CDC42BPA: variants seen among roughly 807,000 people sequenced by gnomAD.
The protein encoded by CDC42BPA is CDC42 binding protein kinase alpha.
CDC42BPA carries 80 observed loss-of-function variants against 223.5 expected under a neutral mutation model. That is an observed-to-expected ratio of 0.36 (90% CI 0.30 to 0.43). CDC42BPA has a LOEUF of 0.43. Ranked by LOEUF, CDC42BPA falls within the 20% of genes least tolerant of loss-of-function variation. The probability of loss-of-function intolerance (pLI) is 1.00; values close to 1 mark genes in which losing one functional copy is unlikely to be tolerated. For synonymous variants in CDC42BPA, 694 were observed against 718.6 expected (o/e 0.97, Z 0.55); for missense variants, 1,743 against 2,099.9 (o/e 0.83, Z 3.32).
At chr1:227,227,330 T>C (rs1572488179) in intron 2 of CDC42BPA, among the ~76,000 whole-genome samples, 1 of 152,320 alleles carries the variant, frequency 6.6e-6, no homozygotes, top group Non-Finnish European at 1.5e-5. Context: ...TCTGAACTTA[T>C]AAATCACATT....
At chr1:227,015,428 A>G (rs575934013) in intron 34 of CDC42BPA, among the ~76,000 whole-genome samples, 2 of 151,936 alleles carry the variant, frequency 1.3e-5, no homozygotes, top group African/African-American at 4.8e-5. Context: ...ATCTCAAAAA[A>G]AGAAAAAAAA....
At chr1:227,180,375 G>C (rs977543195) in intron 5 of CDC42BPA, 1 of 152,022 alleles carries the variant, frequency 6.6e-6, no homozygotes, top group Non-Finnish European at 1.5e-5. Flanking sequence ...TCTAAGAAAA[G>C]AAACTGTTAT....
intron 2 of CDC42BPA, among the ~76,000 whole-genome samples, chr1:227,243,054 C>G (rs1006772116): frequency 6.6e-6 from 1 of 152,180 alleles, no homozygotes; most frequent in Admixed American, 6.5e-5. Context: ...CCATTATGCT[C>G]TGCAAACTAA....
chr1:227,215,281 G>T (rs1425709255), intron 2 of CDC42BPA, among the ~76,000 whole-genome samples: 1 of 152,162 alleles, frequency 6.6e-6, no homozygotes, highest in Non-Finnish European at 1.5e-5. Context: ...CTGTTTTGGG[G>T]AGTGGTGATA....
rs559638277 is a variant in CDC42BPA at position 227,112,252 on chromosome 1, C to T, written c.2001+60G>A. 4 of 981,772 alleles carry T rather than the reference C, an allele frequency of 4.1e-6. No individual in the cohort carries two copies. The South Asian group carries it at 6.7e-5, about 16-fold the overall frequency. The allele number at this position is 981,772 out of a possible 1,614,324, so 60.8% of individuals were successfully genotyped here. Reference sequence around the variant, plus strand: ...GAATACAGTATACAAGCTAACACTCCTAACAAGCCTAAAGAGAAGAAAATC... The same window carrying T: ...GAATACAGTATACAAGCTAACACTCTTAACAAGCCTAAAGAGAAGAAAATC... On this transcript the variant is annotated intron_variant, in intron 14 of 36. Transcript: ENST00000366766.
At chr1:227,171,159 A>G (rs935140041) in intron 5 of CDC42BPA, among the ~76,000 whole-genome samples, 3 of 152,232 alleles carry the variant, frequency 2.0e-5, no homozygotes, top group African/African-American at 7.2e-5. Flanking sequence ...AATATCTATT[A>G]CTGTAAAAAC....
At chr1:227,262,623 T>C (rs771839020) in intron 1 of CDC42BPA, among the ~76,000 whole-genome samples, 18 of 152,202 alleles carry the variant, frequency 1.2e-4, no homozygotes, top group Non-Finnish European at 1.8e-4. Context: ...AACCAAATTA[T>C]AGACAATCAC....
intron 12 of CDC42BPA, among the ~76,000 whole-genome samples, chr1:227,118,490 A>G (rs1287005933): frequency 6.6e-6 from 1 of 152,112 alleles, no homozygotes; most frequent in Non-Finnish European, 1.5e-5. Flanking sequence ...TTATTGGTAT[A>G]ATCTGTTTCT....
chr1:227,027,430 C>T (rs1214925793), intron 30 of CDC42BPA, among the ~76,000 whole-genome samples: 4 of 152,154 alleles, frequency 2.6e-5, no homozygotes, highest in Non-Finnish European at 5.9e-5. Context: ...TCCTCCTGCC[C>T]CCAAGTAATT....
chr1:227,191,426 T>TA (rs1263881408), intron 5 of CDC42BPA, among the ~76,000 whole-genome samples: 1 of 151,668 alleles, frequency 6.6e-6, no homozygotes, highest in Non-Finnish European at 1.5e-5. Context: ...ATGGAATAAA[T>TA]ACGATTCATT....
chr1:227,087,462 T>C (rs747274451), intron 16 of CDC42BPA, among the ~76,000 whole-genome samples: 19 of 152,222 alleles, frequency 1.2e-4, no homozygotes, highest in Admixed American at 6.5e-5. Context: ...AATTACATAG[T>C]GTTAATCCTC....
intron 23 of CDC42BPA, among the ~76,000 whole-genome samples, chr1:227,042,350 G>A (rs540121312): frequency 2.7e-5 from 4 of 149,412 alleles, no homozygotes; most frequent in African/African-American, 7.6e-5. Context: ...ATCTATTCAG[G>A]ATGTCACAAT....
At chr1:227,310,542 C>T (rs553979843) in intron 1 of CDC42BPA, among the ~76,000 whole-genome samples, 5 of 152,148 alleles carry the variant, frequency 3.3e-5, no homozygotes, top group African/African-American at 9.6e-5. Context: ...TAGCCATTCC[C>T]TACGTACTGA....
At chr1:227,196,338 C>CTTTTCTTTT (rs1670685632) in intron 4 of CDC42BPA, among the ~76,000 whole-genome samples, 1 of 92,352 alleles carries the variant, frequency 1.1e-5, no homozygotes, top group South Asian at 4.0e-4. Context: ...TTAAACAATA[C>CTTTTCTTTT]TTTTTTTTTT....
At chr1:227,121,193 G>T (rs1334311812) in intron 11 of CDC42BPA, among the ~76,000 whole-genome samples, 2 of 152,182 alleles carry the variant, frequency 1.3e-5, no homozygotes, top group Non-Finnish European at 2.9e-5. Context: ...TAGATATGGA[G>T]AATCTCAAGC....
At chr1:227,254,611 A>G (rs1317117432) in intron 1 of CDC42BPA, among the ~76,000 whole-genome samples, 1 of 152,228 alleles carries the variant, frequency 6.6e-6, no homozygotes, top group Non-Finnish European at 1.5e-5. Context: ...GCAAACGTCT[A>G]CAGTATACAA....
chr1:227,248,328 T>C lies in CDC42BPA; in HGVS notation c.270+5736A>G, dbSNP rs145042550. On this transcript the variant is annotated intron_variant, in intron 2 of 36. Coordinates refer to ENST00000366766, the MANE Select transcript of CDC42BPA (RefSeq NM_001394014.1). ...AAGTCAAATTATCCTTGTTTGAAGA[T>C]GATATGGTCTTATATTTTGGAAAAC... 2.8e-3 allele frequency among the ~76,000 whole-genome samples: 428 copies of C among 152,194 alleles called. 3 individuals carry two copies. The highest frequency in any genetic ancestry group is 9.9e-3 in the African/African-American group (410 of 41,520).
rs752526216 is a variant in CDC42BPA at position 227,034,676 on chromosome 1, A to G, written c.3455T>C (p.Ile1152Thr). 5.0e-6 allele frequency: 8 copies of G among 1,612,866 alleles called. No individual in the cohort carries two copies. Among genetic ancestry groups the G allele is most frequent in the Non-Finnish European group, 6.8e-6 (8 of 1,179,288 alleles). Residue 1152 changes from isoleucine to threonine, a missense_variant, in exon 26 of 37, where the codon ATT becomes ACT. Coordinates refer to ENST00000366766, the MANE Select transcript of CDC42BPA (RefSeq NM_001394014.1). ...TTACCTCATGTCAATCACTTGACTA[A>G]TGACAACACTGGGCTGAGATGCTTT... ...EGKASQPSVV[I>T]SQVIDMRDEE...
chr1:227,134,863 T>C (rs1658167302), intron 10 of CDC42BPA, among the ~76,000 whole-genome samples: 1 of 152,240 alleles, frequency 6.6e-6, no homozygotes, highest in Non-Finnish European at 1.5e-5. Context: ...AGGAAATTCT[T>C]AGTCATAAGG....
Sources: gnomAD v4.1 joint callset for allele counts (sites outside exome capture counted in the v4.1 genomes callset) on GRCh38, gnomAD v4.1.1 for gene constraint, MANE v1.5 for transcripts, NCBI Gene and HGNC (gene_info 2026-07-23, HGNC 2026-07-21) for gene names.